Variants in LMF1 observed in about 807,000 individuals in gnomAD.
The protein encoded by LMF1 is lipase maturation factor 1, also known as transmembrane protein 112.
LMF1 carries 68 observed loss-of-function variants against 60.6 expected under a neutral mutation model. The ratio of observed to expected loss-of-function variants is 1.12; its 90% CI spans 0.92 to 1.37. LMF1 has a LOEUF of 1.37. Among genes scored for constraint, LMF1 ranks in the 40% most tolerant of loss-of-function variants. LMF1 has a pLI of 0.00. For synonymous variants in LMF1, 418 were observed against 324.7 expected (o/e 1.29, Z -3.09); for missense variants, 948 against 767.2 (o/e 1.24, Z -2.78).
chr16:941,490 T>C (rs80314333), intron 2 of LMF1, among the ~76,000 whole-genome samples: 1 of 152,222 alleles, frequency 6.6e-6, no homozygotes, highest in Non-Finnish European at 1.5e-5. Flanking sequence ...CCCAAAGTGC[T>C]GGCATTACAG....
intron 10 of LMF1, among the ~76,000 whole-genome samples, chr16:861,400 C>T (rs2069463116): frequency 6.9e-6 from 1 of 144,572 alleles, no homozygotes; most frequent in African/African-American, 2.6e-5. Flanking sequence ...CTCTGTCGCC[C>T]AGGCTGGAGT....
chr16:968,399 C>G (rs1596173869), intron 1 of LMF1: 1 of 152,208 alleles, frequency 6.6e-6, no homozygotes, highest in African/African-American at 2.4e-5. Context: ...TGTTTAATTA[C>G]AAGTGTTTCA....
chr16:948,830 C>T (rs2072336980), intron 2 of LMF1, among the ~76,000 whole-genome samples: 2 of 121,858 alleles, frequency 1.6e-5, no homozygotes, highest in African/African-American at 3.6e-5. Context: ...CAGCCAACGA[C>T]AGAGTCAGAG....
intron 3 of LMF1, among the ~76,000 whole-genome samples, chr16:916,264 C>G (rs534625618): frequency 6.6e-6 from 1 of 152,250 alleles, no homozygotes; most frequent in East Asian, 1.9e-4. Flanking sequence ...TGACAGCCAC[C>G]ATCCACGTTA....
At chr16:981,552 G>C (rs1387142868), upstream of LMF1, 1 of 159,842 alleles carries the variant, frequency 6.3e-6, no homozygotes, top group Admixed American at 6.5e-5. Flanking sequence ...TCCAGAGAGG[G>C]GAGCTCCAGG....
chr16:943,845 C>T (rs556457629), intron 2 of LMF1, among the ~76,000 whole-genome samples: 1 of 150,938 alleles, frequency 6.6e-6, no homozygotes, highest in South Asian at 2.1e-4. Context: ...TGGTCAGTTT[C>T]TTGTGACCCT....
At chr16:971,012 C>T, upstream of LMF1, 1 of 623,414 alleles carries the variant, frequency 1.6e-6, no homozygotes, top group African/African-American at 7.8e-5. Context: ...GGAGGCCCCG[C>T]CCATTCTCGG....
chr16:896,419 C>T (rs529197562), intron 4 of LMF1, among the ~76,000 whole-genome samples: 8 of 152,354 alleles, frequency 5.3e-5, no homozygotes, highest in Non-Finnish European at 8.8e-5. Context: ...GCCGAACACC[C>T]GGGAGTGTTA....
intron 3 of LMF1, among the ~76,000 whole-genome samples, chr16:919,903 T>C (rs2071387488): frequency 6.6e-6 from 1 of 151,960 alleles, no homozygotes; most frequent in Admixed American, 6.5e-5. Context: ...TCCGAGGCAG[T>C]CAGGCTCCTG....
At position 902,303 on chromosome 16, in the gene LMF1, C is replaced by A. The variant is rs145602842; in HGVS notation, c.663+8628G>T. On this transcript the variant is annotated intron_variant, in intron 4 of 10. Coordinates refer to ENST00000262301, the MANE Select transcript of LMF1 (RefSeq NM_022773.4). The stretch of plus-strand genomic sequence containing the variant: ...AGGCCGATGCGTCTGGCCTGGCATT[C>A]TCCCTGACTTGTCAGCTTCCCAGCT... 461 of 152,664 alleles carry A rather than the reference C, an allele frequency of 3.0e-3. 17 individuals are homozygous for A. The East Asian group carries it at 0.081, about 27-fold the overall frequency. The allele number at this position is 152,664 out of a possible 1,614,324, so 9.5% of individuals were successfully genotyped here.
chr16:909,952 C>A (rs114460061), intron 4 of LMF1, among the ~76,000 whole-genome samples: 1 of 152,196 alleles, frequency 6.6e-6, no homozygotes, highest in Non-Finnish European at 1.5e-5. Context: ...CCCAACTCTT[C>A]GTACGTCTTC....
At chr16:972,335 C>G (rs377016537), upstream of LMF1, among the ~76,000 whole-genome samples, 1 of 152,254 alleles carries the variant, frequency 6.6e-6, no homozygotes, top group South Asian at 2.1e-4. Context: ...CACAAACATC[C>G]TCCGCATGCT....
At chr16:863,362 G>C (rs2069524218) in intron 10 of LMF1, among the ~76,000 whole-genome samples, 1 of 152,166 alleles carries the variant, frequency 6.6e-6, no homozygotes, top group Admixed American at 6.5e-5. Context: ...TGCTGGTCTT[G>C]AATTCCTGAG....
rs1424075523 is a variant in LMF1 at position 853,978 on chromosome 16, T to C, written c.*554A>G. ...CTGTGGCGGGGGTGGAGATGAGGGA[T>C]AGGACAGAAAATGGCCCATCCAACC... On this transcript the variant is annotated 3_prime_UTR_variant, in exon 11 of 11. Transcript: ENST00000262301. 1 of 453,824 alleles carries C rather than the reference T, an allele frequency of 2.2e-6. No individual in the cohort carries two copies. The highest frequency in any genetic ancestry group is 2.4e-5 in the Admixed American group (1 of 42,528). 28.1% of individuals were successfully genotyped at this position (453,824 alleles called of 1,614,324 possible).
intron 10 of LMF1, chr16:855,105 A>C (rs998399472): frequency 9.5e-6 from 3 of 316,126 alleles, no homozygotes; most frequent in African/African-American, 6.4e-5. Context: ...AGAGGAACCT[A>C]CTGCTCATGG....
chr16:930,482 G>A (rs1454468147), intron 3 of LMF1, among the ~76,000 whole-genome samples: 1 of 151,884 alleles, frequency 6.6e-6, no homozygotes, highest in Non-Finnish European at 1.5e-5. Flanking sequence ...GATCGCCTGA[G>A]CCCGGGAGGT....
intron 3 of LMF1, among the ~76,000 whole-genome samples, chr16:925,049 G>C (rs1256648166): frequency 2.0e-5 from 3 of 152,162 alleles, no homozygotes; most frequent in African/African-American, 7.2e-5. Flanking sequence ...TGCTGGGTGC[G>C]AGTCCCCAAA....
At chr16:880,875 C>T (rs777158629) in intron 5 of LMF1, among the ~76,000 whole-genome samples, 4 of 152,366 alleles carry the variant, frequency 2.6e-5, no homozygotes, top group South Asian at 2.1e-4. Context: ...CGATGCTGCA[C>T]GCTCTGCTTG....
intron 6 of LMF1, chr16:872,287 C>A (rs2069821194): frequency 6.6e-6 from 1 of 152,142 alleles, no homozygotes; most frequent in Non-Finnish European, 1.5e-5. Flanking sequence ...CAAAGCCCAG[C>A]CTTTATCCCC....
Sources: allele counts gnomAD v4.1 joint callset (sites outside exome capture counted in the v4.1 genomes callset), GRCh38; gene constraint gnomAD v4.1.1; transcripts MANE v1.5; gene names NCBI Gene and HGNC (gene_info 2026-07-23, HGNC 2026-07-21).